CTNNA3: variants seen among roughly 807,000 people sequenced by gnomAD.
CTNNA3 encodes the protein catenin alpha-3.
CTNNA3 carries 76 observed loss-of-function variants against 95.7 expected under a neutral mutation model. The ratio of observed to expected loss-of-function variants is 0.79; its 90% confidence interval spans 0.66 to 0.96. CTNNA3 has a LOEUF of 0.96. Ranked by LOEUF, CTNNA3 falls within the 40% of genes least tolerant of loss-of-function variation. The probability of loss-of-function intolerance (pLI) is 0.00; values close to 1 mark genes in which losing one functional copy is unlikely to be tolerated. For missense variants in CTNNA3, 1,191 were observed against 1,089.8 expected (o/e 1.09, Z -1.31); for synonymous variants, 431 against 374.4 (o/e 1.15, Z -1.74).
intron 15 of CTNNA3, among the ~76,000 whole-genome samples, chr10:66,011,107 C>T (rs2078997226): frequency 6.6e-6 from 1 of 152,146 alleles, no homozygotes; most frequent in South Asian, 2.1e-4. Context: ...TTGACCTAGT[C>T]TATTGCTTTG....
chr10:66,650,233 G>A (rs1462222139), intron 9 of CTNNA3, among the ~76,000 whole-genome samples: 1 of 152,124 alleles, frequency 6.6e-6, no homozygotes, highest in Non-Finnish European at 1.5e-5. Flanking sequence ...GAACCCATGT[G>A]GGAGATTACA....
intron 12 of CTNNA3, among the ~76,000 whole-genome samples, chr10:66,316,377 T>C (rs745624492): frequency 5.9e-5 from 9 of 152,110 alleles, no homozygotes; most frequent in Non-Finnish European, 1.0e-4. Flanking sequence ...GGGATTATTG[T>C]CTACTTTATG....
At chr10:66,857,097 G>A (rs1327695973) in intron 7 of CTNNA3, among the ~76,000 whole-genome samples, 1 of 152,178 alleles carries the variant, frequency 6.6e-6, no homozygotes, top group East Asian at 1.9e-4. Context: ...TATAAGGAAA[G>A]GGTCCAGTTT....
In CTNNA3 at chr10:67,295,554, T is replaced by C. The variant is rs572200190; in HGVS notation, c.580-75684A>G. ...GGATAATAGCTGAGACCTGCTTATA[T>C]ATAGGCCATAATGCAGCTATTTAAA... On this transcript the variant is annotated intron_variant, in intron 5 of 17. Transcript: ENST00000433211. 1.2e-3 allele frequency among the ~76,000 whole-genome samples: 176 copies of C among 152,338 alleles called. 1 individual carries two copies. Among genetic ancestry groups the C allele is most frequent in the African/African-American group, 4.0e-3 (168 of 41,574 alleles).
chr10:66,163,851 A>G (rs1441981553), intron 13 of CTNNA3, among the ~76,000 whole-genome samples: 2 of 152,186 alleles, frequency 1.3e-5, no homozygotes, highest in Non-Finnish European at 2.9e-5. Flanking sequence ...ATAGCACTCA[A>G]GTCAGAAGGC....
intron 13 of CTNNA3, among the ~76,000 whole-genome samples, chr10:66,216,760 C>T (rs2088564980): frequency 6.6e-6 from 1 of 152,030 alleles, no homozygotes; most frequent in African/African-American, 2.4e-5. Flanking sequence ...CAGAGAGGAA[C>T]CTACACCCTT....
chr10:67,117,916 T>C (rs959303578), intron 7 of CTNNA3, among the ~76,000 whole-genome samples: 2 of 152,046 alleles, frequency 1.3e-5, no homozygotes, highest in Non-Finnish European at 2.9e-5. Context: ...TTCATAGATA[T>C]TTATAGCAAT....
chr10:67,138,826 G>A (rs1462059801), intron 7 of CTNNA3, among the ~76,000 whole-genome samples: 1 of 152,064 alleles, frequency 6.6e-6, no homozygotes, highest in Non-Finnish European at 1.5e-5. Context: ...TTCCTCTGTG[G>A]GATATCCTAG....
rs558519127 is a variant in CTNNA3 at position 66,826,381 on chromosome 10, A to G, written c.1048-50857T>C. 1.1e-4 allele frequency among the ~76,000 whole-genome samples: 16 copies of G among 152,218 alleles called. No homozygotes were observed. In the South Asian group the frequency reaches 3.1e-3, roughly 30 times the overall value. The stretch of plus-strand genomic sequence containing the variant: ...AGCCTCAACCTCCCAAGCTCAAGTG[A>G]TCCTTTCACTTCAGCCTCCTGAGTA... On this transcript the variant is annotated intron_variant, in intron 7 of 17. Transcript: ENST00000433211.
intron 8 of CTNNA3, among the ~76,000 whole-genome samples, chr10:66,772,084 G>A (rs4528203): frequency 0.85 from 129,198 of 151,970 alleles, 55,212 homozygotes; most frequent in East Asian, 1. Context: ...TTGAGCGGGA[G>A]GTGATGCAAA....
At chr10:66,101,300 A>G (rs2081619726) in intron 14 of CTNNA3, among the ~76,000 whole-genome samples, 2 of 152,206 alleles carry the variant, frequency 1.3e-5, no homozygotes, top group East Asian at 1.9e-4. Flanking sequence ...TCTGTAAGAA[A>G]TGGAAACTCA....
intron 12 of CTNNA3, among the ~76,000 whole-genome samples, chr10:66,315,081 C>T (rs1223987271): frequency 6.6e-6 from 1 of 152,020 alleles, no homozygotes. Flanking sequence ...GGTAATAGTA[C>T]ACCGTGGTTC....
chr10:67,568,818 C>T (rs1394582690), intron 3 of CTNNA3, among the ~76,000 whole-genome samples: 2 of 152,096 alleles, frequency 1.3e-5, no homozygotes, highest in African/African-American at 4.8e-5. Flanking sequence ...ACCAATTGCT[C>T]ACAGCCTATA....
chr10:67,097,935 T>A, intron 7 of CTNNA3: 2 of 698,700 alleles, frequency 2.9e-6, no homozygotes. Context: ...AATCCAAGAT[T>A]GATTCATGAA....
intron 5 of CTNNA3, among the ~76,000 whole-genome samples, chr10:67,285,872 C>G (rs926022528): frequency 6.6e-5 from 10 of 152,238 alleles, no homozygotes; most frequent in South Asian, 2.1e-4. Context: ...TAAGAAAAAA[C>G]ACCAGGCAAT....
At chr10:67,038,122 G>A (rs79945377) in intron 7 of CTNNA3, among the ~76,000 whole-genome samples, 1,841 of 152,196 alleles carry the variant, frequency 0.012, 48 homozygotes, top group African/African-American at 0.042. Context: ...TATGAGTATT[G>A]TAGAGCAAGC....
intron 9 of CTNNA3, among the ~76,000 whole-genome samples, chr10:66,712,283 C>T (rs1485602816): frequency 1.3e-5 from 2 of 152,144 alleles, no homozygotes; most frequent in South Asian, 2.1e-4. Context: ...AAAATTATAT[C>T]AGTTATTTCC....
chr10:67,122,213 G>C (rs1365172217), intron 7 of CTNNA3, among the ~76,000 whole-genome samples: 2 of 151,960 alleles, frequency 1.3e-5, no homozygotes, highest in Non-Finnish European at 1.5e-5. Flanking sequence ...TAAGCCACTT[G>C]TTATGAATAG....
intron 2 of CTNNA3, among the ~76,000 whole-genome samples, chr10:67,613,203 C>T (rs902460493): frequency 1.3e-5 from 2 of 152,134 alleles, no homozygotes; most frequent in Non-Finnish European, 2.9e-5. Flanking sequence ...CTCACAGCTC[C>T]TTGTTCGTAG....
Sources: allele counts gnomAD v4.1 joint callset (sites outside exome capture counted in the v4.1 genomes callset), GRCh38; gene constraint gnomAD v4.1.1; transcripts MANE v1.5; gene names NCBI Gene and HGNC (gene_info 2026-07-23, HGNC 2026-07-21).